NTM: variants seen among roughly 807,000 people sequenced by gnomAD.
The protein encoded by NTM is neurotrimin.
A neutral mutation model predicts 42.1 loss-of-function variants in NTM; 13 were observed. The observed-to-expected ratio is 0.31, with a 90% CI of 0.20 to 0.49. The LOEUF (loss-of-function observed/expected upper bound fraction) is 0.49, where lower values mean the gene tolerates loss of function less well. Ranked by LOEUF, NTM falls within the 20% of genes least tolerant of loss-of-function variation. The pLI, the probability that NTM is intolerant of heterozygous loss-of-function variation, is 0.99. For synonymous variants in NTM, 187 were observed against 179.2 expected, an observed-to-expected ratio of 1.04 and a Z score of -0.35; for missense variants, 373 against 452.8, an observed-to-expected ratio of 0.82 and a Z score of 1.60.
intron 1 of NTM, among the ~76,000 whole-genome samples, chr11:131,578,302 AGGTT>A (rs1267201029): frequency 6.6e-6 from 1 of 152,254 alleles, no homozygotes; most frequent in Non-Finnish European, 1.5e-5. Flanking sequence ...ATTCAAATAT[AGGTT>A]TATGTCATAT....
chr11:132,239,943 C>G (rs547035191), intron 4 of NTM, among the ~76,000 whole-genome samples: 1 of 152,212 alleles, frequency 6.6e-6, no homozygotes, highest in South Asian at 2.1e-4. Flanking sequence ...GTTCATTTAT[C>G]CATCCATTCA....
chr11:131,533,326 G>C (rs112951817), intron 1 of NTM, among the ~76,000 whole-genome samples: 10 of 152,148 alleles, frequency 6.6e-5, no homozygotes, highest in African/African-American at 2.4e-4. Flanking sequence ...CCTAGTAAGC[G>C]TCGAGCGTGA....
At chr11:132,200,617 G>A (rs908611641) in intron 3 of NTM, among the ~76,000 whole-genome samples, 2 of 152,228 alleles carry the variant, frequency 1.3e-5, no homozygotes, top group Non-Finnish European at 2.9e-5. Flanking sequence ...GAATTAAAGT[G>A]CCGATGACGC....
chr11:131,661,800 T>C (rs1240799513), intron 1 of NTM, among the ~76,000 whole-genome samples: 16 of 152,196 alleles, frequency 1.1e-4, no homozygotes, highest in Admixed American at 1.0e-3. Flanking sequence ...TCCACTGATA[T>C]AATTGACTGA....
chr11:131,945,321 AG>A (rs1408705254), intron 2 of NTM, among the ~76,000 whole-genome samples: 3 of 152,196 alleles, frequency 2.0e-5, no homozygotes, highest in Non-Finnish European at 4.4e-5. Context: ...GCAGGAAGTG[AG>A]ATGCCTGAAC....
At chr11:131,739,349 A>G (rs2080887114) in intron 1 of NTM, among the ~76,000 whole-genome samples, 1 of 152,216 alleles carries the variant, frequency 6.6e-6, no homozygotes, top group Non-Finnish European at 1.5e-5. Flanking sequence ...ATTATAAGTC[A>G]GTTACTCACA....
intron 1 of NTM, among the ~76,000 whole-genome samples, chr11:131,532,334 G>T (rs1005897743): frequency 6.6e-6 from 1 of 152,124 alleles, no homozygotes; most frequent in Non-Finnish European, 1.5e-5. Context: ...GTCATTTTTA[G>T]CTGGCTTGTT....
At chr11:132,209,018 G>A (rs764067853) in intron 3 of NTM, among the ~76,000 whole-genome samples, 10 of 152,084 alleles carry the variant, frequency 6.6e-5, no homozygotes, top group Non-Finnish European at 1.3e-4. Flanking sequence ...ACCAGCAAAC[G>A]TATGGGTTGG....
At chr11:131,964,369 A>G (rs1778592016) in intron 2 of NTM, among the ~76,000 whole-genome samples, 1 of 152,204 alleles carries the variant, frequency 6.6e-6, no homozygotes, top group South Asian at 2.1e-4. Context: ...ATTTTTAACT[A>G]AAATATGCAA....
chr11:131,464,455 C>T (rs1433310586), intron 1 of NTM, among the ~76,000 whole-genome samples: 1 of 152,098 alleles, frequency 6.6e-6, no homozygotes, highest in Non-Finnish European at 1.5e-5. Context: ...GGTACATTCA[C>T]AGGTTATAAA....
At chr11:132,244,107 A>C (rs2090665571) in intron 4 of NTM, among the ~76,000 whole-genome samples, 1 of 152,162 alleles carries the variant, frequency 6.6e-6, no homozygotes, top group African/African-American at 2.4e-5. Flanking sequence ...GCCCTCTGCC[A>C]TCCTGAGCTC....
chr11:131,375,618 G>T (rs1230034285), intron 1 of NTM, among the ~76,000 whole-genome samples: 1 of 152,152 alleles, frequency 6.6e-6, no homozygotes, highest in African/African-American at 2.4e-5. Flanking sequence ...AGGCTTCAGT[G>T]TGGGACTGCA....
At chr11:131,568,810 T>C (rs373701368) in intron 1 of NTM, among the ~76,000 whole-genome samples, 4 of 152,210 alleles carry the variant, frequency 2.6e-5, no homozygotes, top group Non-Finnish European at 5.9e-5. Flanking sequence ...CTTAGTAATG[T>C]TGGGGAGGAT....
At chr11:131,716,534 T>C (rs150292933) in intron 1 of NTM, among the ~76,000 whole-genome samples, 70 of 152,314 alleles carry the variant, frequency 4.6e-4, no homozygotes, top group Non-Finnish European at 9.3e-4. Context: ...AACTTTGGAA[T>C]TTTCATCACA....
intron 2 of NTM, among the ~76,000 whole-genome samples, chr11:131,926,696 G>T (rs1186771822): frequency 6.6e-6 from 1 of 152,168 alleles, no homozygotes; most frequent in Non-Finnish European, 1.5e-5. Flanking sequence ...TAAGCAAGTA[G>T]CCCCAACACC....
chr11:132,254,542 A>T (rs1421755896), intron 4 of NTM, among the ~76,000 whole-genome samples: 1 of 151,602 alleles, frequency 6.6e-6, no homozygotes, highest in African/African-American at 2.4e-5. Context: ...CTCAAGTCCC[A>T]TCTACCGCTG....
intron 2 of NTM, among the ~76,000 whole-genome samples, chr11:131,989,516 C>G (rs916498444): frequency 2.0e-5 from 3 of 152,084 alleles, no homozygotes; most frequent in African/African-American, 7.2e-5. Context: ...AAATGTTAGC[C>G]TAATAACTAT....
intron 2 of NTM, among the ~76,000 whole-genome samples, chr11:131,932,553 T>C (rs907485397): frequency 6.6e-6 from 1 of 152,194 alleles, no homozygotes; most frequent in African/African-American, 2.4e-5. Context: ...CCCCAATTCT[T>C]CCTGGATCTT....
At chr11:131,957,227 T>C (rs2134443513) in intron 2 of NTM, among the ~76,000 whole-genome samples, 1 of 152,286 alleles carries the variant, frequency 6.6e-6, no homozygotes, top group Non-Finnish European at 1.5e-5. Flanking sequence ...AATTGTAACA[T>C]ATATGAGAGG....
Sources: gnomAD v4.1 joint callset for allele counts (sites outside exome capture counted in the v4.1 genomes callset) on GRCh38, gnomAD v4.1.1 for gene constraint, MANE v1.5 for transcripts, NCBI Gene and HGNC (gene_info 2026-07-23, HGNC 2026-07-21) for gene names.